The following CHN2 variants were observed in gnomAD, a reference collection of about 807,000 sequenced individuals.
CHN2 encodes the protein chimerin 2.
Under a neutral mutation model 56.3 loss-of-function variants are expected in CHN2, and 35 were observed. The observed-to-expected ratio is 0.62, with a 90% confidence interval of 0.47 to 0.82. The LOEUF is 0.82. Ranked by LOEUF, CHN2 falls within the 40% of genes least tolerant of loss-of-function variation. The probability of loss-of-function intolerance (pLI) is 0.00; values close to 1 mark genes in which losing one functional copy is unlikely to be tolerated. For synonymous variants in CHN2, 210 were observed against 212.8 expected, an observed-to-expected ratio of 0.99 and a Z score of 0.12; for missense variants, 491 against 580.5, an observed-to-expected ratio of 0.85 and a Z score of 1.58.
intron 7 of CHN2, 70 bp downstream of exon 7, chr7:29,480,426 G>A (rs1476991): frequency 0.39 from 571,684 of 1,483,598 alleles, 112,307 homozygotes; most frequent in South Asian, 0.44. Context: ...TATAGTTTCC[G>A]TCTGGTTTCT....
intron 6 of CHN2, among the ~76,000 whole-genome samples, chr7:29,456,281 G>C (rs1784744683): frequency 6.6e-6 from 1 of 152,174 alleles, no homozygotes; most frequent in Non-Finnish European, 1.5e-5. Context: ...GTTTCACAGA[G>C]GGTTTTGTGA....
chr7:29,410,630 C>G (rs977064636), intron 6 of CHN2, among the ~76,000 whole-genome samples: 1 of 151,924 alleles, frequency 6.6e-6, no homozygotes, highest in African/African-American at 2.4e-5. Context: ...TGAGATTATA[C>G]TTGACTTTTT....
intron 1 of CHN2, among the ~76,000 whole-genome samples, chr7:29,245,025 A>G (rs1205936066): frequency 6.6e-6 from 1 of 152,188 alleles, no homozygotes; most frequent in African/African-American, 2.4e-5. Context: ...GGTTTCTTGA[A>G]CATGCCACAC....
At chr7:29,447,615 A>G (rs1026169625) in intron 6 of CHN2, among the ~76,000 whole-genome samples, 1 of 152,170 alleles carries the variant, frequency 6.6e-6, no homozygotes, top group African/African-American at 2.4e-5. Flanking sequence ...ACTAAAATCT[A>G]TACCCAGCAC....
At chr7:29,482,803 T>C (rs1302427506) in intron 7 of CHN2, among the ~76,000 whole-genome samples, 2 of 10,596 alleles carry the variant, frequency 1.9e-4, no homozygotes, top group African/African-American at 4.1e-4. Context: ...TTTTCTTTTT[T>C]TTTTTTTTTT....
intron 6 of CHN2, among the ~76,000 whole-genome samples, chr7:29,437,952 A>G (rs1478434457): frequency 2.0e-5 from 3 of 152,180 alleles, no homozygotes; most frequent in Non-Finnish European, 4.4e-5. Context: ...TGTCTAACAT[A>G]TAATTTTGAG....
At chr7:29,292,986 T>A (rs1457316185) in intron 1 of CHN2, 1 of 456,142 alleles carries the variant, frequency 2.2e-6, no homozygotes, top group Non-Finnish European at 4.4e-6. Context: ...ATGTCACTCC[T>A]CCGTCTTTGC....
intron 1 of CHN2, among the ~76,000 whole-genome samples, chr7:29,310,868 A>G (rs533131521): frequency 6.6e-6 from 1 of 152,178 alleles, no homozygotes; most frequent in Non-Finnish European, 1.5e-5. Flanking sequence ...ACACCATCAC[A>G]TTGGAGGTTA....
rs1797908979 is a variant in CHN2, at chr7:29,351,840, C to A, written c.50-2785C>A. ...ACAGTAGGATGCTTGGAATTTATTC[C>A]ATGTGCAGGGAAGACCTTGGAGGAT... On this transcript the variant is annotated intron_variant, in intron 1 of 12. Transcript: ENST00000222792. Among the ~76,000 whole-genome samples, 3 of 152,100 alleles carry A rather than the reference C, an allele frequency of 2.0e-5. No individual in the cohort carries two copies. In the South Asian group the frequency reaches 6.2e-4, roughly 32 times the overall value.
intron 2 of CHN2, among the ~76,000 whole-genome samples, chr7:29,154,334 C>T (rs1433285226): frequency 1.3e-5 from 2 of 152,190 alleles, no homozygotes; most frequent in South Asian, 4.1e-4. Flanking sequence ...AGTGAATCAG[C>T]CTCTAGCATG....
rs60520174 is a variant in CHN2, at chr7:29,149,189, C to CTTTTT, written c.274+2246_274+2250dup. On this transcript the variant is annotated intron_variant, in intron 2 of 6. Transcript: ENST00000439384. ...TTAGTAGATTGGGAAGTCTGTTTCC[C>CTTTTT]TTTTTTTTTTTTTTTTTTTTTGAGA... Among the ~76,000 whole-genome samples, 19 of 100,346 alleles carry CTTTTT rather than the reference C, an allele frequency of 1.9e-4. 1 individual carries two copies. The highest frequency in any genetic ancestry group is 2.2e-4 in the Non-Finnish European group (12 of 54,198). 65.8% of individuals were successfully genotyped at this position (100,346 alleles called of 152,430 possible). A position where few individuals can be genotyped will look rare whatever the true frequency, so the allele number is the denominator to read the frequency against.
At chr7:29,338,384 G>C (rs1234556591) in intron 1 of CHN2, among the ~76,000 whole-genome samples, 1 of 152,154 alleles carries the variant, frequency 6.6e-6, no homozygotes, top group Non-Finnish European at 1.5e-5. Flanking sequence ...GCAGTGTCTA[G>C]TATGAGAGAC....
At chr7:29,336,759 C>CAAAAAAAAAAAAAAA (rs5883205) in intron 1 of CHN2, among the ~76,000 whole-genome samples, 3 of 68,552 alleles carry the variant, frequency 4.4e-5, no homozygotes, top group African/African-American at 1.9e-4. Context: ...GATTCTGTCT[C>CAAAAAAAAAAAAAAA]AAAAAAAAAA....
intron 1 of CHN2, among the ~76,000 whole-genome samples, chr7:29,203,391 C>T (rs371231205): frequency 1.4e-5 from 2 of 139,952 alleles, no homozygotes; most frequent in Middle Eastern, 4.1e-3. Context: ...CGCTTGAATC[C>T]GGGAGAAAGA....
chr7:29,492,208 C>A (rs1028635058), intron 7 of CHN2, among the ~76,000 whole-genome samples: 1 of 152,146 alleles, frequency 6.6e-6, no homozygotes, highest in Non-Finnish European at 1.5e-5. Flanking sequence ...CTATTCATGT[C>A]TTCCTGCTGA....
intron 3 of CHN2, among the ~76,000 whole-genome samples, chr7:29,378,651 C>CT (rs1347347446): frequency 6.6e-6 from 1 of 152,212 alleles, no homozygotes; most frequent in Non-Finnish European, 1.5e-5. Flanking sequence ...GACCCCTGGT[C>CT]TTACACTAAA....
chr7:29,509,405 A>G lies in CHN2; in HGVS notation c.1234A>G (p.Lys412Glu), dbSNP rs576947745. ...TLRYLMIHLKKVTMNEKDNFM... is the reference protein window; with the variant it reads ...TLRYLMIHLKEVTMNEKDNFM... ...CCGGTACCTAATGATCCACCTCAAA[A>G]AGTAAGCTCATGTCTCGTGCACAAA... The change falls in exon 12 of 13, where the codon AAG becomes GAG. Residue 412 changes from lysine (K) to glutamate (E), a missense_variant and splice_region_variant. Transcript: ENST00000222792. 3 of 1,611,890 alleles carry G rather than the reference A, an allele frequency of 1.9e-6. No homozygotes were observed. The highest frequency in any genetic ancestry group is 2.5e-6 in the Non-Finnish European group (3 of 1,178,264).
At chr7:29,298,624 C>T (rs1793387151) in intron 1 of CHN2, among the ~76,000 whole-genome samples, 1 of 152,144 alleles carries the variant, frequency 6.6e-6, no homozygotes, top group Admixed American at 6.6e-5. Flanking sequence ...CCTATTTATC[C>T]CCATCACCTG....
At chr7:29,321,393 A>G (rs39756) in intron 1 of CHN2, among the ~76,000 whole-genome samples, 136,291 of 152,026 alleles carry the variant, frequency 0.9, 61,229 homozygotes, top group East Asian at 1. Context: ...CATCCTCTGA[A>G]GGAGGATATA....
Sources: allele counts gnomAD v4.1 joint callset (sites outside exome capture counted in the v4.1 genomes callset), GRCh38; gene constraint gnomAD v4.1.1; transcripts MANE v1.5; gene names NCBI Gene and HGNC (gene_info 2026-07-23, HGNC 2026-07-21).